The following AGBL4 variants were observed in gnomAD, a reference collection of about 807,000 sequenced individuals.
AGBL4 encodes cytosolic carboxypeptidase 6.
A neutral mutation model predicts 66.4 loss-of-function variants in AGBL4; 58 were observed. The observed-to-expected ratio is 0.87, with a 90% confidence interval of 0.71 to 1.09. AGBL4 has a LOEUF of 1.09. Among genes scored for constraint, AGBL4 ranks in the 50% least tolerant of loss-of-function variants. AGBL4 has a pLI of 0.00. For missense variants in AGBL4, 579 were observed against 631.0 expected, an observed-to-expected ratio of 0.92 and a Z score of 0.88; for synonymous variants, 234 against 222.9, an observed-to-expected ratio of 1.05 and a Z score of -0.44.
intron 8 of AGBL4, among the ~76,000 whole-genome samples, chr1:48,647,818 A>C (rs1401381226): frequency 6.6e-6 from 1 of 152,174 alleles, no homozygotes; most frequent in Non-Finnish European, 1.5e-5. Flanking sequence ...TGTTGTGGGC[A>C]TGCTTTCTGT....
intron 6 of AGBL4, among the ~76,000 whole-genome samples, chr1:48,791,326 G>A (rs555527441): frequency 8.5e-5 from 13 of 152,186 alleles, no homozygotes; most frequent in Non-Finnish European, 1.8e-4. Flanking sequence ...AGCTGAGGAG[G>A]GGGGTGGGAG....
At chr1:49,162,467 T>C (rs1569887033) in intron 4 of AGBL4, among the ~76,000 whole-genome samples, 2 of 152,330 alleles carry the variant, frequency 1.3e-5, no homozygotes, top group Admixed American at 1.3e-4. Flanking sequence ...ATAAATGTGT[T>C]ATATTTGCTA....
intron 6 of AGBL4, chr1:48,742,749 T>C (rs779159389): frequency 6.2e-7 from 1 of 1,603,148 alleles, no homozygotes; most frequent in East Asian, 2.3e-5. Flanking sequence ...CTGACTTTAC[T>C]TTTTCCAGAT....
intron 1 of AGBL4, among the ~76,000 whole-genome samples, chr1:50,016,812 G>A (rs544435029): frequency 1.3e-5 from 2 of 152,300 alleles, no homozygotes; most frequent in South Asian, 4.1e-4. Context: ...AGAGGCTGCA[G>A]AGAAAGGGGA....
chr1:49,044,769 G>A (rs888196923), intron 5 of AGBL4, among the ~76,000 whole-genome samples: 3 of 152,124 alleles, frequency 2.0e-5, no homozygotes, highest in Non-Finnish European at 2.9e-5. Context: ...GCCACTGATA[G>A]CTCTCAAGAT....
chr1:49,753,706 A>T (rs572355226), intron 2 of AGBL4, among the ~76,000 whole-genome samples: 192 of 152,306 alleles, frequency 1.3e-3, no homozygotes, highest in African/African-American at 4.4e-3. Flanking sequence ...CAGGTATGCC[A>T]ATCAAATGTA....
intron 6 of AGBL4, among the ~76,000 whole-genome samples, chr1:48,690,498 C>T (rs1460904858): frequency 6.6e-6 from 1 of 152,150 alleles, no homozygotes; most frequent in African/African-American, 2.4e-5. Context: ...AGTGTTCAAG[C>T]CCCTCCTTTT....
chr1:48,572,012 G>A (rs921466074), intron 11 of AGBL4, among the ~76,000 whole-genome samples: 4 of 152,166 alleles, frequency 2.6e-5, no homozygotes, highest in African/African-American at 9.7e-5. Context: ...TTTATGAAAA[G>A]CTCAATAGGT....
chr1:49,919,129 T>TA (rs1321908084), intron 1 of AGBL4, among the ~76,000 whole-genome samples: 3 of 152,146 alleles, frequency 2.0e-5, no homozygotes, highest in Non-Finnish European at 4.4e-5. Flanking sequence ...GCCAATATCA[T>TA]ACTCAATGGA....
At chr1:49,630,133 T>TA (rs1645542946) in intron 3 of AGBL4, among the ~76,000 whole-genome samples, 1 of 152,100 alleles carries the variant, frequency 6.6e-6, no homozygotes, top group Non-Finnish European at 1.5e-5. Flanking sequence ...ATCATTATCA[T>TA]AAACAGTATT....
chr1:49,661,740 A>T (rs532558982), intron 3 of AGBL4, among the ~76,000 whole-genome samples: 50 of 152,290 alleles, frequency 3.3e-4, no homozygotes, highest in Non-Finnish European at 6.0e-4. Flanking sequence ...GTGGGAATGT[A>T]AAATGGTACA....
intron 4 of AGBL4, among the ~76,000 whole-genome samples, chr1:49,157,289 G>T (rs1646451860): frequency 6.8e-6 from 1 of 147,762 alleles, no homozygotes; most frequent in Non-Finnish European, 1.5e-5. Flanking sequence ...CCGTGTCCAT[G>T]TTCTCATTGT....
chr1:49,479,711 T>C (rs1570818906), intron 3 of AGBL4, among the ~76,000 whole-genome samples: 1 of 150,078 alleles, frequency 6.7e-6, no homozygotes, highest in Admixed American at 6.6e-5. Context: ...TTCTTTTTTT[T>C]TTTTTTTTGA....
intron 3 of AGBL4, among the ~76,000 whole-genome samples, chr1:49,654,256 A>G (rs1646070890): frequency 2.0e-5 from 3 of 152,156 alleles, no homozygotes; most frequent in African/African-American, 7.2e-5. Context: ...CTTAATCCTG[A>G]GTTCTAGTTT....
At chr1:49,287,521 AAAAC>A (rs1257038172) in intron 3 of AGBL4, among the ~76,000 whole-genome samples, 2 of 151,294 alleles carry the variant, frequency 1.3e-5, no homozygotes, top group Non-Finnish European at 3.0e-5. Context: ...TTACAAGAAA[AAAAC>A]AAACAACCCC....
intron 6 of AGBL4, among the ~76,000 whole-genome samples, chr1:48,738,618 T>G (rs1337000066): frequency 6.6e-6 from 1 of 152,226 alleles, no homozygotes; most frequent in Non-Finnish European, 1.5e-5. Context: ...CAAGGAACTT[T>G]GAATTACATT....
At chr1:49,007,565 C>A (rs1661968472) in intron 5 of AGBL4, among the ~76,000 whole-genome samples, 1 of 150,774 alleles carries the variant, frequency 6.6e-6, no homozygotes, top group Admixed American at 6.6e-5. Context: ...AACTCCAAGA[C>A]ACATAATTGT....
At chr1:49,343,009 G>A (rs1241580879) in intron 3 of AGBL4, among the ~76,000 whole-genome samples, 1 of 152,040 alleles carries the variant, frequency 6.6e-6, no homozygotes, top group Non-Finnish European at 1.5e-5. Flanking sequence ...TTAAAAGTCA[G>A]ATTAACTAAA....
At chr1:49,740,732 C>T (rs1359212219) in intron 2 of AGBL4, among the ~76,000 whole-genome samples, 2 of 152,140 alleles carry the variant, frequency 1.3e-5, no homozygotes, top group East Asian at 3.9e-4. Flanking sequence ...AACTAGAACT[C>T]AGGATTAAGA....
Sources: allele counts gnomAD v4.1 joint callset (sites outside exome capture counted in the v4.1 genomes callset), GRCh38; gene constraint gnomAD v4.1.1; transcripts MANE v1.5; gene names NCBI Gene and HGNC (gene_info 2026-07-23, HGNC 2026-07-21).